Variants in XYLT1 observed in about 807,000 individuals in gnomAD.
XYLT1 encodes the protein xylosyltransferase 1.
XYLT1 carries 36 observed loss-of-function variants against 91.3 expected under a neutral mutation model. The ratio of observed to expected loss-of-function variants is 0.39; its 90% confidence interval spans 0.30 to 0.52. The LOEUF (loss-of-function observed/expected upper bound fraction) is 0.52. XYLT1 is among the 20% of genes least tolerant of loss of function. The probability of loss-of-function intolerance (pLI) is 0.68; values close to 1 mark genes in which losing one functional copy is unlikely to be tolerated. For missense variants in XYLT1, 1,242 were observed against 1,284.5 expected, an observed-to-expected ratio of 0.97 and a Z score of 0.51; for synonymous variants, 588 against 532.0, an observed-to-expected ratio of 1.11 and a Z score of -1.45.
chr16:17,326,200 A>G (rs895552937), intron 2 of XYLT1, among the ~76,000 whole-genome samples: 8 of 151,080 alleles, frequency 5.3e-5, no homozygotes, highest in Admixed American at 2.0e-4. Context: ...ATACATTTTT[A>G]AGTATACAAT....
At chr16:17,183,849 G>A (rs935368103) in intron 5 of XYLT1, among the ~76,000 whole-genome samples, 2 of 152,090 alleles carry the variant, frequency 1.3e-5, no homozygotes, top group African/African-American at 2.4e-5. Flanking sequence ...CACAGAGTCC[G>A]TCTGTGTGCC....
At chr16:17,179,058 G>T (rs1368783618) in intron 5 of XYLT1, among the ~76,000 whole-genome samples, 1 of 149,696 alleles carries the variant, frequency 6.7e-6, no homozygotes, top group African/African-American at 2.5e-5. Flanking sequence ...GACAGAATGA[G>T]ACCCTGTCTC....
At position 17,108,016 on chromosome 16, in the gene XYLT1, T is replaced by A. The variant is rs1966801149; in HGVS notation, c.*679A>T. The stretch of plus-strand genomic sequence containing the variant: ...AACCCAAGGAGGGCTGCTGAGAGGC[T>A]CAGAGCTCTCCTAAGGCTGCAGCCT... On this transcript the variant is annotated 3_prime_UTR_variant, in exon 12 of 12. Transcript: ENST00000261381. 6.6e-6 allele frequency: 1 copy of A among 152,614 alleles called. No individual in the cohort carries two copies. The highest frequency in any genetic ancestry group is 1.5e-5 in the Non-Finnish European group (1 of 68,070). 9.5% of individuals were successfully genotyped at this position (152,614 alleles called of 1,614,324 possible). A position where few individuals can be genotyped will look rare whatever the true frequency, so the allele number is the denominator to read the frequency against.
chr16:17,258,600 C>A (rs937424902), intron 3 of XYLT1, among the ~76,000 whole-genome samples: 4 of 152,094 alleles, frequency 2.6e-5, no homozygotes, highest in Admixed American at 2.0e-4. Flanking sequence ...AATTAGAAAC[C>A]TCTCAAATCA....
Position 17,138,348 on chromosome 16 carries a change from G to T in XYLT1, c.1764+7C>A. ...TAGGAGGCTGGCAGACCATGAGAAA[G>T]TCTCACCTGGAAGCGGTGGAAGTCC... On this transcript the variant is annotated splice_region_variant and intron_variant, in intron 8 of 11. Transcript: ENST00000261381. The T allele has an allele frequency of 6.2e-7, 1 of 1,607,958 alleles. No homozygotes were observed. Among genetic ancestry groups the T allele is most frequent in the Non-Finnish European group, 8.5e-7 (1 of 1,175,374 alleles).
chr16:17,384,420 T>A (rs974275327), intron 1 of XYLT1, among the ~76,000 whole-genome samples: 3 of 151,880 alleles, frequency 2.0e-5, no homozygotes, highest in Non-Finnish European at 4.4e-5. Context: ...CCTCCCTAGC[T>A]GAATCTGACT....
chr16:17,198,105 C>T, intron 5 of XYLT1, 107 bp downstream of exon 5: 1 of 1,168,558 alleles, frequency 8.6e-7, no homozygotes, highest in Non-Finnish European at 1.2e-6. Flanking sequence ...CCTGAGCGAT[C>T]CTGTGGAGAC....
intron 5 of XYLT1, among the ~76,000 whole-genome samples, chr16:17,171,680 C>T (rs558967445): frequency 3.3e-5 from 5 of 152,318 alleles, no homozygotes; most frequent in South Asian, 4.1e-4. Context: ...TTAAATGAGA[C>T]GTTATCACAT....
intron 4 of XYLT1, 41 bp downstream of exon 4, chr16:17,200,441 C>G (rs779967644): frequency 6.3e-7 from 1 of 1,592,996 alleles, no homozygotes. Context: ...GGACAGACCC[C>G]GAAGAAAGCC....
chr16:17,294,358 C>T (rs1596469413), intron 2 of XYLT1, among the ~76,000 whole-genome samples: 1 of 152,146 alleles, frequency 6.6e-6, no homozygotes, highest in Admixed American at 6.5e-5. Flanking sequence ...GCTTTGCTGG[C>T]CAGCCCAACA....
chr16:17,210,008 C>T (rs188741373), intron 3 of XYLT1, among the ~76,000 whole-genome samples: 3 of 152,264 alleles, frequency 2.0e-5, no homozygotes, highest in African/African-American at 7.2e-5. Flanking sequence ...GATCCTCCTA[C>T]CTTAGCCTGC....
chr16:17,208,275 G>A (rs1176921836), intron 3 of XYLT1, among the ~76,000 whole-genome samples: 1 of 151,516 alleles, frequency 6.6e-6, no homozygotes, highest in African/African-American at 2.4e-5. Context: ...GAGCTACTGT[G>A]CCTGGCCCCC....
At chr16:17,291,658 G>A (rs1486150944) in intron 2 of XYLT1, among the ~76,000 whole-genome samples, 1 of 152,190 alleles carries the variant, frequency 6.6e-6, no homozygotes, top group East Asian at 1.9e-4. Context: ...CACTTAGAAT[G>A]TGCTGAGAAG....
At chr16:17,420,192 AGCTTGT>A (rs1397816487) in intron 1 of XYLT1, among the ~76,000 whole-genome samples, 3 of 152,248 alleles carry the variant, frequency 2.0e-5, no homozygotes, top group Non-Finnish European at 4.4e-5. Flanking sequence ...CCCAAATTAT[AGCTTGT>A]GCCCAAACCC....
intron 9 of XYLT1, among the ~76,000 whole-genome samples, chr16:17,128,887 GGTC>G (rs2030357960): frequency 6.6e-6 from 1 of 152,050 alleles, no homozygotes; most frequent in Admixed American, 6.6e-5. Context: ...GGCGCTTGTG[GGTC>G]CTTCATAATA....
chr16:17,154,434 G>A (rs1399433710), intron 6 of XYLT1, among the ~76,000 whole-genome samples: 1 of 152,188 alleles, frequency 6.6e-6, no homozygotes, highest in Non-Finnish European at 1.5e-5. Flanking sequence ...CCTGGAAGAG[G>A]CCTGTCCCCA....
rs904784829 is a variant in XYLT1, at chr16:17,200,563, G to A, written c.1005C>T (p.His335=). The change falls in exon 4 of 12, where the codon CAC becomes CAT. Residue 335 remains histidine, a synonymous_variant. Transcript: ENST00000261381. ...PVRIAFVLVV[H]GRASRQLQRM... ...GCTGCAACTGCCGAGAGGCACGGCCGTGGACCACCAGGACAAAGGCGATTC... is the reference window on the plus strand; with the variant it reads ...GCTGCAACTGCCGAGAGGCACGGCCATGGACCACCAGGACAAAGGCGATTC... The A allele has an allele frequency of 1.7e-5, 28 of 1,614,094 alleles. No homozygotes were observed. The highest frequency in any genetic ancestry group is 3.3e-5 in the Admixed American group (2 of 60,006).
chr16:17,370,614 C>T (rs934874804), intron 1 of XYLT1, among the ~76,000 whole-genome samples: 6 of 152,204 alleles, frequency 3.9e-5, no homozygotes, highest in African/African-American at 1.2e-4. Context: ...ACTTTGAGAA[C>T]ACGATCTTCA....
At chr16:17,244,267 C>A (rs998764966) in intron 3 of XYLT1, among the ~76,000 whole-genome samples, 1 of 151,810 alleles carries the variant, frequency 6.6e-6, no homozygotes, top group Non-Finnish European at 1.5e-5. Context: ...GGGGGTGGGG[C>A]CTTGGGGGGT....
Sources: gnomAD v4.1 joint callset for allele counts (sites outside exome capture counted in the v4.1 genomes callset) on GRCh38, gnomAD v4.1.1 for gene constraint, MANE v1.5 for transcripts, NCBI Gene and HGNC (gene_info 2026-07-23, HGNC 2026-07-21) for gene names.